Variants in ANK3 observed in about 807,000 individuals in gnomAD.
The protein encoded by ANK3 is ankyrin-3.
In ANK3, 57 loss-of-function variants were observed where a neutral mutation model predicts 370.9. The observed-to-expected ratio is 0.15, with a 90% CI of 0.12 to 0.19. The LOEUF (loss-of-function observed/expected upper bound fraction) is 0.19, where lower values mean the gene tolerates loss of function less well. Ranked by LOEUF, ANK3 falls within the 10% of genes least tolerant of loss-of-function variation. The probability of loss-of-function intolerance (pLI) is 1.00; values close to 1 mark genes in which losing one functional copy is unlikely to be tolerated. For missense variants in ANK3, 4,439 were observed against 5,302.1 expected (o/e 0.84, Z 5.06); for synonymous variants, 1,929 against 1,946.3 (o/e 0.99, Z 0.23).
chr10:60,214,369 G>A (rs1428820684), intron 8 of ANK3, among the ~76,000 whole-genome samples: 1 of 151,656 alleles, frequency 6.6e-6, no homozygotes, highest in African/African-American at 2.4e-5. Context: ...ATCTTTTTTT[G>A]TCTTTAAAAT....
At chr10:60,290,876 C>T (rs1333667543) in intron 1 of ANK3, among the ~76,000 whole-genome samples, 1 of 152,106 alleles carries the variant, frequency 6.6e-6, no homozygotes, top group Admixed American at 6.6e-5. Context: ...ACAGTGCTGG[C>T]AGGCTTTTGT....
chr10:60,228,934 C>T (rs2097204189), intron 8 of ANK3, among the ~76,000 whole-genome samples: 2 of 152,104 alleles, frequency 1.3e-5, no homozygotes, highest in Non-Finnish European at 2.9e-5. Context: ...GGTGCAACAA[C>T]AATTGTGATT....
In ANK3 at chr10:60,355,455, T is replaced by C. The variant is rs551042865; in HGVS notation, c.114+33970A>G. Among the ~76,000 whole-genome samples, 48 of 152,332 alleles carry C rather than the reference T, an allele frequency of 3.2e-4. 1 individual carries two copies. Among genetic ancestry groups the C allele is most frequent in the African/African-American group, 1.0e-3 (43 of 41,576 alleles). On this transcript the variant is annotated intron_variant, in intron 1 of 43. Transcript: ENST00000280772. ...AGTGGCACCACTAGTTTTTATTGGA[T>C]TGTCATTGCCCATGACCTTGTTGGA...
chr10:60,042,776 C>G lies in ANK3; in HGVS notation c.13066-17G>C. On this transcript the variant is annotated splice_polypyrimidine_tract_variant and intron_variant, in intron 42 of 43. Transcript: ENST00000280772. Reference sequence around the variant, plus strand: ...TTCTCCCTGCTTTGAAAGGAGTGTACATATTAAGATTTCACAGTGAAACAG... The same window carrying G: ...TTCTCCCTGCTTTGAAAGGAGTGTAGATATTAAGATTTCACAGTGAAACAG... 1 of 1,611,382 alleles carries G rather than the reference C, an allele frequency of 6.2e-7. No individual in the cohort carries two copies. Among genetic ancestry groups the G allele is most frequent in the Non-Finnish European group, 8.5e-7 (1 of 1,179,792 alleles).
chr10:60,667,981 C>T (rs2079019326), intron 1 of ANK3, among the ~76,000 whole-genome samples: 1 of 136,974 alleles, frequency 7.3e-6, no homozygotes, highest in South Asian at 2.7e-4. Context: ...AGCTTGGATA[C>T]AGTAAGTCTA....
At chr10:60,664,497 G>A (rs1434134884) in intron 1 of ANK3, among the ~76,000 whole-genome samples, 1 of 152,162 alleles carries the variant, frequency 6.6e-6, no homozygotes, top group Non-Finnish European at 1.5e-5. Flanking sequence ...ACACCAGATG[G>A]TCCTATTGTA....
rs762233210 is a variant in ANK3, at chr10:60,044,246, A to C, written c.13066-1487T>G. On this transcript the variant is annotated intron_variant, in intron 42 of 43. Coordinates refer to ENST00000280772, the MANE Select transcript of ANK3 (RefSeq NM_020987.5). ...AAATCTAAATTCCAAGAGAAGCATGAAATCTGAATGATGATTACTTTTCTG... is the reference window on the plus strand; with the variant it reads ...AAATCTAAATTCCAAGAGAAGCATGCAATCTGAATGATGATTACTTTTCTG... 5.9e-5 allele frequency: 58 copies of C among 985,020 alleles called. No individual in the cohort carries two copies. In the Middle Eastern group the frequency reaches 2.6e-3, roughly 44 times the overall value. 61.0% of individuals were successfully genotyped at this position (985,020 alleles called of 1,614,324 possible). A position where few individuals can be genotyped will look rare whatever the true frequency, so the allele number is the denominator to read the frequency against.
At chr10:60,348,450 A>T (rs764973004) in intron 1 of ANK3, among the ~76,000 whole-genome samples, 5 of 152,114 alleles carry the variant, frequency 3.3e-5, no homozygotes, top group African/African-American at 1.2e-4. Context: ...ACAGCAGTAG[A>T]TAGTGACTAA....
chr10:60,496,305 C>T (rs1470820299), intron 2 of ANK3, among the ~76,000 whole-genome samples: 4 of 152,062 alleles, frequency 2.6e-5, no homozygotes, highest in Admixed American at 2.0e-4. Context: ...TAGACTTTCC[C>T]GTGTATTAAA....
rs1054519577 is a variant in ANK3 at position 60,029,044 on chromosome 10, A to G, written c.*802T>C. The G allele has an allele frequency of 2.0e-5, 3 of 152,620 alleles. No homozygotes were observed. Among genetic ancestry groups the G allele is most frequent in the African/African-American group, 7.2e-5 (3 of 41,454 alleles). 9.5% of individuals were successfully genotyped at this position (152,620 alleles called of 1,614,324 possible). On this transcript the variant is annotated 3_prime_UTR_variant, in exon 44 of 44. Coordinates refer to ENST00000280772, the MANE Select transcript of ANK3 (RefSeq NM_020987.5). ...GCATCAAAATATTAGTATTCTGAAG[A>G]AAAAAATTTTTCACAGAACTACAGA...
intron 8 of ANK3, among the ~76,000 whole-genome samples, chr10:60,228,153 C>G (rs1288987419): frequency 6.6e-6 from 1 of 152,154 alleles, no homozygotes; most frequent in Non-Finnish European, 1.5e-5. Flanking sequence ...GTATTTCTTT[C>G]TATCATGCAC....
At chr10:60,176,962 T>G (rs547267245) in intron 18 of ANK3, among the ~76,000 whole-genome samples, 1 of 151,516 alleles carries the variant, frequency 6.6e-6, no homozygotes, top group East Asian at 2.0e-4. Context: ...CTAAACTTCT[T>G]GGAAAAAAAA....
Position 60,344,893 on chromosome 10 carries a change from C to T in ANK3, c.114+44532G>A, listed in dbSNP as rs1000416594. On this transcript the variant is annotated intron_variant, in intron 1 of 43. Coordinates refer to ENST00000280772, the MANE Select transcript of ANK3 (RefSeq NM_020987.5). ...AGATGAGATTTAAAGAAATGTGTTGCGTGTGAACACACAGAATGGAAAGTA... is the reference window on the plus strand; with the variant it reads ...AGATGAGATTTAAAGAAATGTGTTGTGTGTGAACACACAGAATGGAAAGTA... 5.3e-5 allele frequency among the ~76,000 whole-genome samples: 8 copies of T among 152,120 alleles called. 1 individual carries two copies. The highest frequency in any genetic ancestry group is 8.8e-5 in the Non-Finnish European group (6 of 68,030).
At chr10:60,128,866 A>G (rs147107885) in intron 25 of ANK3, among the ~76,000 whole-genome samples, 22 of 152,330 alleles carry the variant, frequency 1.4e-4, no homozygotes, top group Non-Finnish European at 2.4e-4. Context: ...TATCTAGTGA[A>G]TAGCATTCCA....
At chr10:60,554,263 G>T (rs770634761) in intron 2 of ANK3, among the ~76,000 whole-genome samples, 32 of 151,958 alleles carry the variant, frequency 2.1e-4, no homozygotes, top group Non-Finnish European at 3.7e-4. Flanking sequence ...CTTTTTCTAA[G>T]TAAAATTCAA....
intron 1 of ANK3, among the ~76,000 whole-genome samples, chr10:60,714,419 A>C (rs983095763): frequency 1.3e-5 from 2 of 152,276 alleles, no homozygotes; most frequent in African/African-American, 4.8e-5. Flanking sequence ...TAATACCAAA[A>C]CTAGACAAAG....
intron 1 of ANK3, among the ~76,000 whole-genome samples, chr10:60,618,971 T>C (rs2078299729): frequency 6.6e-6 from 1 of 152,122 alleles, no homozygotes; most frequent in African/African-American, 2.4e-5. Context: ...TGTCCAGTAT[T>C]AGAAAGCTTC....
chr10:60,157,859 A>G (rs79882562), intron 23 of ANK3, among the ~76,000 whole-genome samples: 7,363 of 144,286 alleles, frequency 0.051, 617 homozygotes, highest in African/African-American at 0.17. Context: ...CTTAAAGAGA[A>G]TGGAGAGACA....
At chr10:60,192,593 T>C (rs1186698119) in intron 16 of ANK3, among the ~76,000 whole-genome samples, 2 of 152,094 alleles carry the variant, frequency 1.3e-5, no homozygotes, top group Non-Finnish European at 2.9e-5. Context: ...GTAAAATAAC[T>C]GAGAAAGTCA....
Sources: allele counts gnomAD v4.1 joint callset (sites outside exome capture counted in the v4.1 genomes callset), GRCh38; gene constraint gnomAD v4.1.1; transcripts MANE v1.5; gene names NCBI Gene and HGNC (gene_info 2026-07-23, HGNC 2026-07-21).